FBXO33: variants seen among roughly 807,000 people sequenced by gnomAD.
The protein encoded by FBXO33 is F-box protein 33.
FBXO33 carries 22 observed loss-of-function variants against 46.3 expected under a neutral mutation model. The ratio of observed to expected loss-of-function variants is 0.48; its 90% CI spans 0.34 to 0.68. FBXO33 has a LOEUF of 0.68. Among genes scored for constraint, FBXO33 ranks in the 30% least tolerant of loss-of-function variants. FBXO33 has a pLI of 0.01. For missense variants in FBXO33, 692 were observed against 708.8 expected, an observed-to-expected ratio of 0.98 and a Z score of 0.27; for synonymous variants, 337 against 291.3, an observed-to-expected ratio of 1.16 and a Z score of -1.60.
chr14:39,421,743 AT>A (rs1830490380), intron 1 of FBXO33, among the ~76,000 whole-genome samples: 1 of 151,782 alleles, frequency 6.6e-6, no homozygotes, highest in Non-Finnish European at 1.5e-5. Context: ...TTTTCACATA[AT>A]AAACTGTATC....
intron 2 of FBXO33, 78 bp downstream of exon 2, chr14:39,402,323 C>T (rs938597431): frequency 6.8e-6 from 5 of 739,672 alleles, no homozygotes; most frequent in Non-Finnish European, 1.0e-5. Context: ...CATTACTCTT[C>T]TGTTTGTATC....
intron 1 of FBXO33, among the ~76,000 whole-genome samples, chr14:39,418,229 A>T (rs113612634): frequency 2.0e-5 from 3 of 150,522 alleles, no homozygotes; most frequent in African/African-American, 7.3e-5. Context: ...ACACCCGGCT[A>T]ATTTTTTGTG....
intron 3 of FBXO33, among the ~76,000 whole-genome samples, chr14:39,400,738 G>T (rs2075364828): frequency 6.6e-6 from 1 of 152,052 alleles, no homozygotes; most frequent in Non-Finnish European, 1.5e-5. Flanking sequence ...GCATATCAAT[G>T]GAACCATCGT....
At position 39,424,352 on chromosome 14, in the gene FBXO33, T is replaced by C. The variant is rs548015150; in HGVS notation, c.599+7212A>G. Among the ~76,000 whole-genome samples, 357 of 152,358 alleles carry C rather than the reference T, an allele frequency of 2.3e-3. 2 individuals are homozygous for C. Among genetic ancestry groups the C allele is most frequent in the Non-Finnish European group, 3.9e-3 (265 of 68,042 alleles). ...TATATTACCAACTGAGATACTGTAA[T>C]TTCACTTAACGTGTTTTCTGTCTTC... is the stretch of plus-strand genomic sequence containing the variant. On this transcript the variant is annotated intron_variant, in intron 1 of 3. Transcript: ENST00000298097.
At chr14:39,417,918 A>G (rs1263361212) in intron 1 of FBXO33, among the ~76,000 whole-genome samples, 3 of 152,180 alleles carry the variant, frequency 2.0e-5, no homozygotes, top group Non-Finnish European at 4.4e-5. Context: ...ATTTTTGAGT[A>G]TGTGAAAAAA....
intron 1 of FBXO33, 36 bp from the exon 2 acceptor site, chr14:39,402,547 A>C (rs771525183): frequency 2.9e-6 from 3 of 1,028,148 alleles, no homozygotes; most frequent in Non-Finnish European, 4.0e-6. Flanking sequence ...TTTGCTAAAT[A>C]ATTTATACTT....
chr14:39,432,005 C>G lies in FBXO33; in HGVS notation c.158G>C (p.Ser53Thr), dbSNP rs1028530240. 63 of 1,420,912 alleles carry G rather than the reference C, an allele frequency of 4.4e-5. No individual in the cohort carries two copies. The highest frequency in any genetic ancestry group is 4.7e-4 in the Middle Eastern group (2 of 4,228). 88.0% of individuals were successfully genotyped at this position (1,420,912 alleles called of 1,614,324 possible). Reference protein sequence around the residue: ...RVLRGRPGAGSRRRGRMALCG... With the variant: ...RVLRGRPGAGTRRRGRMALCG... ...CAGAGCCATCCGGCCCCGCCGCCGG[C>G]TGCCGGCTCCCGGCCGCCCCCGCAG... Residue 53 changes from serine (S) to threonine (T), a missense_variant, in exon 1 of 4, where the codon AGC becomes ACC. Transcript: ENST00000298097.
intron 1 of FBXO33, among the ~76,000 whole-genome samples, chr14:39,416,280 G>A (rs552952664): frequency 1.6e-4 from 24 of 151,166 alleles, no homozygotes; most frequent in Non-Finnish European, 2.8e-4. Context: ...TTCTTTCAGC[G>A]CTTATCTCAC....
Position 39,431,873 on chromosome 14 carries a change from T to C in FBXO33, c.290A>G (p.His97Arg). 6.3e-7 allele frequency: 1 copy of C among 1,578,946 alleles called. No individual in the cohort carries two copies. Among genetic ancestry groups the C allele is most frequent in the South Asian group, 1.1e-5 (1 of 88,514 alleles). ...CGGATAGAAGAGGCACTCACGCCAG[T>C]GCGAGCAGGAGGCCGAGGCCCGCAG... is the stretch of plus-strand genomic sequence containing the variant. The part of the protein sequence containing the change: ...DRLRASASCS[H>R]WRECLFYPAL... The change falls in exon 1 of 4, where the codon CAC (histidine) becomes CGC (arginine). Residue 97 changes from histidine to arginine, a missense_variant. Coordinates refer to ENST00000298097, the MANE Select transcript of FBXO33 (RefSeq NM_203301.4).
At chr14:39,425,209 G>C (rs1005571769) in intron 1 of FBXO33, among the ~76,000 whole-genome samples, 42 of 152,176 alleles carry the variant, frequency 2.8e-4, no homozygotes, top group African/African-American at 1.0e-3. Flanking sequence ...TTGTGACCCA[G>C]TGCTTGAGAT....
rs770678750 is a variant in FBXO33 at position 39,399,702 on chromosome 14, G to A, written c.1482C>T (p.Ser494=). The change falls in exon 4 of 4, where the codon AGC becomes AGT. Residue 494 remains serine, a synonymous_variant. Coordinates refer to ENST00000298097, the MANE Select transcript of FBXO33 (RefSeq NM_203301.4). The part of the protein sequence containing the change: ...DLKVLEVTEE[S]IDFDQGELAD... ...CCAGTTCACCTTGGTCAAAATCAAT[G>A]CTTTCTTCGGTGACTTCAAGCACTT... 6.2e-6 allele frequency: 10 copies of A among 1,613,922 alleles called. No homozygotes were observed. In the East Asian group the frequency reaches 1.8e-4, roughly 29 times the overall value.
intron 1 of FBXO33, among the ~76,000 whole-genome samples, chr14:39,426,153 A>AT (rs1365221904): frequency 2.0e-5 from 3 of 151,748 alleles, no homozygotes; most frequent in Non-Finnish European, 2.9e-5. Flanking sequence ...TTTTTATTTT[A>AT]TTTTTTCATA....
At chr14:39,425,589 G>C (rs1013623803) in intron 1 of FBXO33, among the ~76,000 whole-genome samples, 2 of 152,060 alleles carry the variant, frequency 1.3e-5, no homozygotes, top group African/African-American at 2.4e-5. Context: ...ATTCTTCTTA[G>C]TCCACTTTCA....
Position 39,432,381 on chromosome 14 carries a change from T to C in FBXO33, c.-219A>G, listed in dbSNP as rs2075568618. On this transcript the variant is annotated 5_prime_UTR_variant, in exon 1 of 4. Transcript: ENST00000298097. ...GCGGCCCGGAAGCCTCAAGGCGTAC[T>C]GTAAGGAAAAGGCAGCCCTCCCTGC... is the stretch of plus-strand genomic sequence containing the variant. 1 of 297,668 alleles carries C rather than the reference T, an allele frequency of 3.4e-6. No individual in the cohort carries two copies. Among genetic ancestry groups the C allele is most frequent in the Non-Finnish European group, 6.0e-6 (1 of 165,702 alleles). The allele number at this position is 297,668 out of a possible 1,614,324, so 18.4% of individuals were successfully genotyped here.
In FBXO33 at chr14:39,414,128, T is replaced by C. The variant is rs552793843; in HGVS notation, c.600-11617A>G. Among the ~76,000 whole-genome samples, 3 of 152,394 alleles carry C rather than the reference T, an allele frequency of 2.0e-5. No individual in the cohort carries two copies. The South Asian group carries it at 6.2e-4, about 32-fold the overall frequency. ...CTACACTGAAAAATCTGTTGTTTAC[T>C]GTAACCACATTCATCAATGACCTTA... On this transcript the variant is annotated intron_variant, in intron 1 of 3. Coordinates refer to ENST00000298097, the MANE Select transcript of FBXO33 (RefSeq NM_203301.4).
chr14:39,404,301 G>T (rs1489503447), intron 1 of FBXO33, among the ~76,000 whole-genome samples: 1 of 152,138 alleles, frequency 6.6e-6, no homozygotes, highest in East Asian at 1.9e-4. Context: ...GGGAGAGCAG[G>T]CGTCCCTAAA....
chr14:39,418,730 G>A (rs1279837126), intron 1 of FBXO33, among the ~76,000 whole-genome samples: 37 of 147,884 alleles, frequency 2.5e-4, no homozygotes, highest in African/African-American at 7.6e-4. Context: ...AGCCGAGATC[G>A]CGCCACTGCA....
chr14:39,426,236 A>G (rs1196784433), intron 1 of FBXO33, among the ~76,000 whole-genome samples: 2 of 152,272 alleles, frequency 1.3e-5, no homozygotes, highest in East Asian at 1.9e-4. Context: ...TGAGAAAGAA[A>G]TGATGAAAAA....
At position 39,432,183 on chromosome 14, in the gene FBXO33, G is replaced by A; in HGVS notation, c.-21C>T. The A allele has an allele frequency of 1.6e-6, 2 of 1,223,190 alleles. No homozygotes were observed. The highest frequency in any genetic ancestry group is 2.0e-6 in the Non-Finnish European group (2 of 980,606). The allele number at this position is 1,223,190 out of a possible 1,614,324, so 75.8% of individuals were successfully genotyped here. On this transcript the variant is annotated 5_prime_UTR_variant, in exon 1 of 4. Transcript: ENST00000298097. ...AACATCAATGACTAGGAAGAAGGGG[G>A]CGGAACCGTCGTGGGTCTCGGCGGA... is the stretch of plus-strand genomic sequence containing the variant.
Sources: gnomAD v4.1 joint callset for allele counts (sites outside exome capture counted in the v4.1 genomes callset) on GRCh38, gnomAD v4.1.1 for gene constraint, MANE v1.5 for transcripts, NCBI Gene and HGNC (gene_info 2026-07-23, HGNC 2026-07-21) for gene names.